The following SELENOF variants were observed in gnomAD, a reference collection of about 807,000 sequenced individuals.
The protein encoded by SELENOF is selenoprotein F, also known as 15 kDa selenoprotein.
Under a neutral mutation model 20.5 loss-of-function variants are expected in SELENOF, and 16 were observed. The ratio of observed to expected loss-of-function variants is 0.78; its 90% CI spans 0.53 to 1.19. The LOEUF (loss-of-function observed/expected upper bound fraction) is 1.19. Ranked by LOEUF, SELENOF falls within the 50% of genes most tolerant of loss-of-function variation. The probability of loss-of-function intolerance (pLI) is 0.00; values close to 1 mark genes in which losing one functional copy is unlikely to be tolerated. For missense variants in SELENOF, 215 were observed against 194.2 expected, an observed-to-expected ratio of 1.11 and a Z score of -0.64; for synonymous variants, 78 against 74.5, an observed-to-expected ratio of 1.05 and a Z score of -0.24.
At chr1:86,872,492 C>G (rs970507340) in intron 3 of SELENOF, among the ~76,000 whole-genome samples, 1 of 152,100 alleles carries the variant, frequency 6.6e-6, no homozygotes, top group African/African-American at 2.4e-5. Context: ...CCTCAGCCTC[C>G]CGAGCAGCTG....
intron 2 of SELENOF, among the ~76,000 whole-genome samples, chr1:86,897,697 G>A (rs983077275): frequency 6.6e-6 from 1 of 152,128 alleles, no homozygotes; most frequent in African/African-American, 2.4e-5. Flanking sequence ...GCTAATAAGT[G>A]GTTAGTGATC....
intron 1 of SELENOF, among the ~76,000 whole-genome samples, chr1:86,904,150 T>G (rs1202444132): frequency 6.6e-6 from 1 of 152,180 alleles, no homozygotes; most frequent in African/African-American, 2.4e-5. Context: ...GGAGTAAGAT[T>G]AGCTGTAGGG....
intron 2 of SELENOF, chr1:86,887,202 G>T: frequency 6.5e-7 from 1 of 1,538,978 alleles, no homozygotes; most frequent in Non-Finnish European, 8.8e-7. Context: ...GAATACTGAG[G>T]ATTAGGGGAA....
At chr1:86,914,377 C>T (rs186362512), upstream of SELENOF, 2,116 of 519,428 alleles carry the variant, frequency 4.1e-3, 22 homozygotes, top group Middle Eastern at 0.021. Flanking sequence ...CTTCGTCAAG[C>T]AGCCAAGAAG....
At chr1:86,909,352 T>C (rs542870822) in intron 1 of SELENOF, among the ~76,000 whole-genome samples, 2 of 152,204 alleles carry the variant, frequency 1.3e-5, no homozygotes, top group African/African-American at 2.4e-5. Flanking sequence ...TTAGGGAAGT[T>C]ATAACAGTTC....
chr1:86,889,865 C>T (rs540058340), intron 2 of SELENOF, among the ~76,000 whole-genome samples: 2 of 152,220 alleles, frequency 1.3e-5, no homozygotes, highest in South Asian at 4.2e-4. Flanking sequence ...CAAATCTGTC[C>T]TTTTTCATTT....
At chr1:86,902,781 A>C (rs2102125275) in intron 2 of SELENOF, among the ~76,000 whole-genome samples, 1 of 152,346 alleles carries the variant, frequency 6.6e-6, no homozygotes, top group South Asian at 2.1e-4. Context: ...CTCTGTTTTC[A>C]GATGTTAAAG....
intron 2 of SELENOF, among the ~76,000 whole-genome samples, chr1:86,901,596 G>A (rs773608233): frequency 6.6e-6 from 1 of 152,198 alleles, no homozygotes; most frequent in Non-Finnish European, 1.5e-5. Flanking sequence ...ACTCCAGCTT[G>A]TAATTAGCTG....
At chr1:86,876,747 C>T (rs1243170582) in intron 3 of SELENOF, among the ~76,000 whole-genome samples, 4 of 152,114 alleles carry the variant, frequency 2.6e-5, no homozygotes. Flanking sequence ...GAAGTGCAGG[C>T]AGTAGAAGAG....
intron 2 of SELENOF, among the ~76,000 whole-genome samples, chr1:86,885,757 A>G (rs998554232): frequency 6.6e-6 from 1 of 152,200 alleles, no homozygotes; most frequent in African/African-American, 2.4e-5. Context: ...TCAAAGTTGT[A>G]TGTGGTCCAG....
chr1:86,885,027 C>A (rs1270315799), intron 2 of SELENOF, among the ~76,000 whole-genome samples: 1 of 152,106 alleles, frequency 6.6e-6, no homozygotes, highest in African/African-American at 2.4e-5. Flanking sequence ...ACTAATGTGC[C>A]TTAGTTGTAA....
chr1:86,892,689 G>T (rs967760586), intron 2 of SELENOF, among the ~76,000 whole-genome samples: 1 of 152,062 alleles, frequency 6.6e-6, no homozygotes, highest in Non-Finnish European at 1.5e-5. Context: ...CTCTTTTACC[G>T]AATTAAGAAA....
Position 86,914,082 on chromosome 1 carries a change from C to A in SELENOF, c.30G>T (p.Gly10=). Reference sequence around the variant, plus strand: ...GTAGCCCAAACGCCGGCACCAGACACCCACTCGGCCCAGCCGCCATCGCTA... The same window carrying A: ...GTAGCCCAAACGCCGGCACCAGACAACCACTCGGCCCAGCCGCCATCGCTA... MVAMAAGPS[G]CLVPAFGLRL... is the part of the protein sequence containing the mutation. Residue 10 remains glycine (G), a synonymous_variant, in exon 1 of 5, where the codon GGG becomes GGT. Transcript: ENST00000331835. 1 of 1,614,022 alleles carries A rather than the reference C, an allele frequency of 6.2e-7. No homozygotes were observed. Among genetic ancestry groups the A allele is most frequent in the Admixed American group, 1.7e-5 (1 of 60,022 alleles).
At chr1:86,872,911 G>T (rs1658815672) in intron 3 of SELENOF, among the ~76,000 whole-genome samples, 1 of 152,088 alleles carries the variant, frequency 6.6e-6, no homozygotes, top group South Asian at 2.1e-4. Context: ...CGTGGTGGCA[G>T]GCGCCTGTAG....
intron 2 of SELENOF, among the ~76,000 whole-genome samples, chr1:86,900,030 G>A (rs1264307710): frequency 6.6e-6 from 1 of 151,352 alleles, no homozygotes; most frequent in Non-Finnish European, 1.5e-5. Flanking sequence ...TAGATGGGAT[G>A]GCGGCCGGGA....
At chr1:86,866,432 T>C (rs921654566) in intron 4 of SELENOF, among the ~76,000 whole-genome samples, 3 of 149,014 alleles carry the variant, frequency 2.0e-5, no homozygotes, top group Non-Finnish European at 4.4e-5. Flanking sequence ...CAGGTAGTTG[T>C]CACGGGCTGG....
At chr1:86,875,460 G>A (rs906790028) in intron 3 of SELENOF, among the ~76,000 whole-genome samples, 1 of 152,108 alleles carries the variant, frequency 6.6e-6, no homozygotes, top group African/African-American at 2.4e-5. Context: ...TTTGAATCCT[G>A]TAAATTCATC....
chr1:86,887,151 C>T (rs1367965884), intron 2 of SELENOF: 12 of 1,534,542 alleles, frequency 7.8e-6, no homozygotes, highest in Non-Finnish European at 9.6e-6. Flanking sequence ...CACTTTCATA[C>T]TCACTTTGAG....
chr1:86,902,058 A>C (rs1659717177), intron 2 of SELENOF, among the ~76,000 whole-genome samples: 1 of 152,224 alleles, frequency 6.6e-6, no homozygotes, highest in South Asian at 2.1e-4. Context: ...TTATTCAGCA[A>C]TTTGTCCCAT....
Sources: gnomAD v4.1 joint callset for allele counts (sites outside exome capture counted in the v4.1 genomes callset) on GRCh38, gnomAD v4.1.1 for gene constraint, MANE v1.5 for transcripts, NCBI Gene and HGNC (gene_info 2026-07-23, HGNC 2026-07-21) for gene names.